RASGRP1: variants seen among roughly 807,000 people sequenced by gnomAD.
RASGRP1 encodes the protein RAS guanyl-releasing protein 1.
In RASGRP1, 37 loss-of-function variants were observed where a neutral mutation model predicts 95.1. That is an observed-to-expected ratio of 0.39 (90% CI 0.30 to 0.51). The LOEUF (loss-of-function observed/expected upper bound fraction) is 0.51. Among genes scored for constraint, RASGRP1 ranks in the 20% least tolerant of loss-of-function variants. RASGRP1 has a pLI of 0.80. For missense variants in RASGRP1, 711 were observed against 965.4 expected, an observed-to-expected ratio of 0.74 and a Z score of 3.49; for synonymous variants, 325 against 353.4, an observed-to-expected ratio of 0.92 and a Z score of 0.90.
chr15:38,496,564 T>C (rs1263878150), intron 15 of RASGRP1, among the ~76,000 whole-genome samples: 1 of 152,196 alleles, frequency 6.6e-6, no homozygotes, highest in Non-Finnish European at 1.5e-5. Context: ...ATGAATGAAA[T>C]ACAGGGTACA....
At position 38,518,312 on chromosome 15, in the gene RASGRP1, G is replaced by A; in HGVS notation, c.501C>T (p.Arg167=). ...CTCACATTTGAGTTGTGTCAATCAG[G>A]CGGCAATGTAACTCCTCACCCTTAG... The part of the protein sequence containing the change: ...VKAKGEELHC[R]LIDTTQINAR... Residue 167 remains arginine (R), a synonymous_variant, in exon 5 of 17, where the codon CGC becomes CGT. Coordinates refer to ENST00000310803, the MANE Select transcript of RASGRP1 (RefSeq NM_005739.4). The A allele has an allele frequency of 4.3e-6, 7 of 1,610,450 alleles. No homozygotes were observed. Among genetic ancestry groups the A allele is most frequent in the Non-Finnish European group, 5.1e-6 (6 of 1,178,396 alleles).
chr15:38,557,290 A>C (rs1400964907), intron 2 of RASGRP1, among the ~76,000 whole-genome samples: 1 of 152,210 alleles, frequency 6.6e-6, no homozygotes, highest in Non-Finnish European at 1.5e-5. Context: ...TGATAACCAA[A>C]GAGCAAGAAG....
chr15:38,514,639 C>A (rs1566919703), intron 6 of RASGRP1, among the ~76,000 whole-genome samples: 1 of 152,284 alleles, frequency 6.6e-6, no homozygotes. Flanking sequence ...AGATAGTCTT[C>A]TATGAAGGGA....
At chr15:38,546,267 G>C (rs374511478) in intron 2 of RASGRP1, among the ~76,000 whole-genome samples, 1 of 151,892 alleles carries the variant, frequency 6.6e-6, no homozygotes, top group African/African-American at 2.4e-5. Flanking sequence ...CACCAGGCTG[G>C]AGTGCGGTGG....
At chr15:38,505,724 A>G in intron 10 of RASGRP1, 116 bp downstream of exon 10, 1 of 800,540 alleles carries the variant, frequency 1.2e-6, no homozygotes, top group Admixed American at 2.2e-5. Flanking sequence ...TTGAGCACTA[A>G]GAAAAACAGT....
chr15:38,563,961 G>C (rs922732044), intron 1 of RASGRP1, among the ~76,000 whole-genome samples: 2 of 152,162 alleles, frequency 1.3e-5, no homozygotes, highest in Non-Finnish European at 2.9e-5. Flanking sequence ...AAGCTGCCTG[G>C]CCAAGAGCCC....
chr15:38,503,089 A>C (rs567645771), intron 11 of RASGRP1, 183 bp downstream of exon 11: 1 of 599,006 alleles, frequency 1.7e-6, no homozygotes, highest in Admixed American at 3.0e-5. Context: ...CCTTCATATG[A>C]GTCCAGTGTG....
chr15:38,514,910 C>T (rs1296970775), intron 6 of RASGRP1, among the ~76,000 whole-genome samples: 1 of 152,176 alleles, frequency 6.6e-6, no homozygotes, highest in East Asian at 1.9e-4. Flanking sequence ...TGCTGTCCTT[C>T]CCTGTGACGG....
chr15:38,563,146 G>C (rs1893881814), intron 1 of RASGRP1, among the ~76,000 whole-genome samples: 1 of 152,190 alleles, frequency 6.6e-6, no homozygotes, highest in Admixed American at 6.5e-5. Context: ...TGGTTGCCTT[G>C]TGAAAAATCC....
At chr15:38,491,225 G>A (rs1453959078) in intron 16 of RASGRP1, among the ~76,000 whole-genome samples, 3 of 152,162 alleles carry the variant, frequency 2.0e-5, no homozygotes, top group Admixed American at 2.0e-4. Context: ...CCAGTCTTCT[G>A]ATTTTGAGTC....
rs1890440616 is a variant in RASGRP1 at position 38,488,445 on chromosome 15, A to G, written c.*2109T>C. 6.6e-6 allele frequency: 1 copy of G among 151,626 alleles called. No individual in the cohort carries two copies. Among genetic ancestry groups the G allele is most frequent in the Non-Finnish European group, 1.5e-5 (1 of 67,804 alleles). 9.4% of individuals were successfully genotyped at this position (151,626 alleles called of 1,614,324 possible). On this transcript the variant is annotated 3_prime_UTR_variant, in exon 17 of 17. Coordinates refer to ENST00000310803, the MANE Select transcript of RASGRP1 (RefSeq NM_005739.4). ...GATCCCACTAGCCCCATGTTGCTCA[A>G]CACAAATACTATTAACTTGTATACT...
chr15:38,539,320 A>G (rs1892775887), intron 2 of RASGRP1, among the ~76,000 whole-genome samples: 1 of 152,244 alleles, frequency 6.6e-6, no homozygotes, highest in Non-Finnish European at 1.5e-5. Context: ...ACCATGTGCC[A>G]GGAGTGAACT....
At chr15:38,502,161 T>C (rs1335883822) in intron 12 of RASGRP1, 151 bp downstream of exon 12, 1 of 598,984 alleles carries the variant, frequency 1.7e-6, no homozygotes, top group African/African-American at 1.9e-5. Context: ...AGGCCCAGAA[T>C]ATTTTTAAAA....
intron 6 of RASGRP1, 142 bp from the exon 7 acceptor site, chr15:38,513,098 T>G: frequency 1.2e-6 from 1 of 826,146 alleles, no homozygotes. Flanking sequence ...GGTGCTCTTC[T>G]GCATCTTGGC....
intron 2 of RASGRP1, among the ~76,000 whole-genome samples, chr15:38,531,511 T>C (rs1387249258): frequency 6.6e-6 from 1 of 152,228 alleles, no homozygotes; most frequent in Non-Finnish European, 1.5e-5. Flanking sequence ...TGGATACTAA[T>C]CTTAAAAATT....
chr15:38,540,500 ACCTGAGGG>A (rs1372783842), intron 2 of RASGRP1, among the ~76,000 whole-genome samples: 1 of 152,182 alleles, frequency 6.6e-6, no homozygotes, highest in Non-Finnish European at 1.5e-5. Flanking sequence ...GGATCTGCAG[ACCTGAGGG>A]CATGTGGGAA....
intron 14 of RASGRP1, among the ~76,000 whole-genome samples, chr15:38,499,663 G>T (rs535458365): frequency 2.6e-5 from 4 of 152,182 alleles, no homozygotes; most frequent in African/African-American, 9.6e-5. Context: ...AACTACTATG[G>T]GTAAAAAATG....
At chr15:38,498,627 C>T (rs1890891191) in intron 15 of RASGRP1, among the ~76,000 whole-genome samples, 167 bp downstream of exon 15, 1 of 152,168 alleles carries the variant, frequency 6.6e-6, no homozygotes, top group Admixed American at 6.5e-5. Flanking sequence ...AAGTCTAAGA[C>T]ATAGGCATGG....
intron 2 of RASGRP1, among the ~76,000 whole-genome samples, chr15:38,559,309 T>G (rs1893710270): frequency 6.6e-6 from 1 of 152,188 alleles, no homozygotes; most frequent in Non-Finnish European, 1.5e-5. Context: ...GACCCTGCAT[T>G]GCAACATTTA....
Sources: allele counts gnomAD v4.1 joint callset (sites outside exome capture counted in the v4.1 genomes callset), GRCh38; gene constraint gnomAD v4.1.1; transcripts MANE v1.5; gene names NCBI Gene and HGNC (gene_info 2026-07-23, HGNC 2026-07-21).